Variants in PADI3 observed in about 807,000 individuals in gnomAD.
The protein encoded by PADI3 is protein-arginine deiminase type-3.
A neutral mutation model predicts 71.5 loss-of-function variants in PADI3; 53 were observed. That is an observed-to-expected ratio of 0.74 (90% CI 0.59 to 0.93). PADI3 has a LOEUF of 0.93. PADI3 is among the 40% of genes least tolerant of loss of function. The probability of loss-of-function intolerance (pLI) is 0.00; values close to 1 mark genes in which losing one functional copy is unlikely to be tolerated. For synonymous variants in PADI3, 361 were observed against 347.5 expected, an observed-to-expected ratio of 1.04 and a Z score of -0.43; for missense variants, 821 against 868.0, an observed-to-expected ratio of 0.95 and a Z score of 0.68.
chr1:17,267,738 T>C (rs1028466663), intron 5 of PADI3, 99 bp from the exon 6 acceptor site: 2 of 1,437,798 alleles, frequency 1.4e-6, no homozygotes, highest in African/African-American at 2.8e-5. Context: ...GAGACCCAGG[T>C]CTTGATACCC....
At chr1:17,264,852 G>T (rs2073145640) in intron 3 of PADI3, among the ~76,000 whole-genome samples, 1 of 151,904 alleles carries the variant, frequency 6.6e-6, no homozygotes. Context: ...CTCTATGAAA[G>T]ATACAAAAAT....
At chr1:17,253,642 A>C (rs2072993090) in intron 1 of PADI3, among the ~76,000 whole-genome samples, 1 of 152,184 alleles carries the variant, frequency 6.6e-6, no homozygotes, top group Non-Finnish European at 1.5e-5. Flanking sequence ...AACCTGATTC[A>C]ACTCATCTGT....
chr1:17,268,299 A>G (rs939980092), intron 6 of PADI3, among the ~76,000 whole-genome samples: 12 of 152,326 alleles, frequency 7.9e-5, no homozygotes, highest in African/African-American at 2.6e-4. Flanking sequence ...AGATTAAACA[A>G]TTATCACTGT....
Position 17,280,441 on chromosome 1 carries a change from G to A in PADI3, c.1635+12G>A, listed in dbSNP as rs2073386378. ...ATAAGTTTGTGCAGGTACAAGGGCT[G>A]TGGTGTACCTGTGGGCTGTGATTTG... is the stretch of plus-strand genomic sequence containing the variant. On this transcript the variant is annotated intron_variant, in intron 14 of 15. Coordinates refer to ENST00000375460, the MANE Select transcript of PADI3 (RefSeq NM_016233.2). 2 of 1,605,632 alleles carry A rather than the reference G, an allele frequency of 1.2e-6. No individual in the cohort carries two copies. Among genetic ancestry groups the A allele is most frequent in the African/African-American group, 1.3e-5 (1 of 74,770 alleles).
intron 3 of PADI3, among the ~76,000 whole-genome samples, chr1:17,264,063 G>A (rs2073133783): frequency 6.6e-6 from 1 of 152,176 alleles, no homozygotes; most frequent in South Asian, 2.1e-4. Flanking sequence ...GATAGATATT[G>A]CCAAACTGCT....
In PADI3 at chr1:17,283,294, C is replaced by G. The variant is rs1393581944; in HGVS notation, c.*215C>G. 1.3e-5 allele frequency: 7 copies of G among 550,186 alleles called. No individual in the cohort carries two copies. The allele number at this position is 550,186 out of a possible 1,614,324, so 34.1% of individuals were successfully genotyped here. On this transcript the variant is annotated 3_prime_UTR_variant, in exon 16 of 16. Transcript: ENST00000375460. ...TCAGACTTGAATCTTCTCGGCCCCC[C>G]AAAAAGAAGGACCTCATTTCTTATA...
At chr1:17,277,556 T>C (rs144920194) in intron 13 of PADI3, among the ~76,000 whole-genome samples, 1 of 152,366 alleles carries the variant, frequency 6.6e-6, no homozygotes, top group Non-Finnish European at 1.5e-5. Context: ...CTACGGGGCT[T>C]GGAGCCTCTG....
intron 1 of PADI3, among the ~76,000 whole-genome samples, chr1:17,254,074 G>A (rs1001504676): frequency 5.3e-5 from 8 of 152,174 alleles, no homozygotes; most frequent in Non-Finnish European, 1.0e-4. Flanking sequence ...TTTTAAATAC[G>A]GGGGATTTGG....
At chr1:17,255,597 C>T (rs995207207) in intron 1 of PADI3, among the ~76,000 whole-genome samples, 16 of 152,342 alleles carry the variant, frequency 1.1e-4, no homozygotes, top group Middle Eastern at 3.4e-3. Flanking sequence ...TCCTCCCGTA[C>T]CTGATGCAGG....
At position 17,280,417 on chromosome 1, in the gene PADI3, T is replaced by C; in HGVS notation, c.1623T>C (p.Asn541=). 1.9e-6 allele frequency: 3 copies of C among 1,613,496 alleles called. No homozygotes were observed. Among genetic ancestry groups the C allele is most frequent in the Non-Finnish European group, 2.5e-6 (3 of 1,179,488 alleles). Reference sequence around the variant, plus strand: ...CCAATAAAGACCTCATCAACTACAATAAGTTTGTGCAGGTACAAGGGCTGT... The same window carrying C: ...CCAATAAAGACCTCATCAACTACAACAAGTTTGTGCAGGTACAAGGGCTGT... ...VLSNKDLINY[N]KFVQSCIDWN... is the part of the protein sequence containing the mutation. The change falls in exon 14 of 16, where the codon AAT becomes AAC. Residue 541 remains asparagine, a synonymous_variant. Coordinates refer to ENST00000375460, the MANE Select transcript of PADI3 (RefSeq NM_016233.2).
At chr1:17,277,355 C>T (rs3003437) in intron 13 of PADI3, among the ~76,000 whole-genome samples, 31,706 of 152,006 alleles carry the variant, frequency 0.21, 3,562 homozygotes, top group African/African-American at 0.31. Context: ...CCACCACGCC[C>T]GGCTAATTTT....
chr1:17,260,421 C>T (rs1166917778), intron 2 of PADI3, among the ~76,000 whole-genome samples: 1 of 152,100 alleles, frequency 6.6e-6, no homozygotes, highest in East Asian at 1.9e-4. Flanking sequence ...CACTCCATGT[C>T]AGGAGCGATG....
chr1:17,274,186 C>A (rs1247859763), intron 10 of PADI3, among the ~76,000 whole-genome samples: 1 of 152,004 alleles, frequency 6.6e-6, no homozygotes, highest in Non-Finnish European at 1.5e-5. Context: ...GAGAGATAGC[C>A]CTGGGGAGGT....
chr1:17,259,720 G>T lies in PADI3; in HGVS notation c.235G>T (p.Val79Phe), dbSNP rs758461815. The change falls in exon 2 of 16, where the codon GTC becomes TTC. Residue 79 changes from valine (V) to phenylalanine (F), a missense_variant. Coordinates refer to ENST00000375460, the MANE Select transcript of PADI3 (RefSeq NM_016233.2). ...RFDATLEIIV[V>F]MNSPSNDLND... is the part of the protein sequence containing the mutation. ...TGACGCGACTTTGGAGATCATCGTG[G>T]TCATGAACTCCCCCAGCAATGACCT... The T allele has an allele frequency of 5.0e-6, 8 of 1,612,318 alleles. No homozygotes were observed. Among genetic ancestry groups the T allele is most frequent in the Non-Finnish European group, 1.7e-6 (2 of 1,178,824 alleles).
In PADI3 at chr1:17,262,213, G is replaced by T. The variant is rs1474268493; in HGVS notation, c.346+8G>T. ...TCTACCTCACCTGTGTTGGTAAGTTGGGGGCCATGTTGATGGTGTGGCCAA... is the reference window on the plus strand; with the variant it reads ...TCTACCTCACCTGTGTTGGTAAGTTTGGGGCCATGTTGATGGTGTGGCCAA... On this transcript the variant is annotated splice_region_variant and intron_variant, in intron 3 of 15. Coordinates refer to ENST00000375460, the MANE Select transcript of PADI3 (RefSeq NM_016233.2). 6.2e-7 allele frequency: 1 copy of T among 1,601,674 alleles called. No homozygotes were observed. Among genetic ancestry groups the T allele is most frequent in the East Asian group, 2.3e-5 (1 of 44,388 alleles).
chr1:17,280,015 G>A (rs984333471), intron 13 of PADI3, among the ~76,000 whole-genome samples: 8 of 152,294 alleles, frequency 5.3e-5, no homozygotes, highest in Admixed American at 3.9e-4. Flanking sequence ...CCAGCTCCCC[G>A]CTAAGCCAAA....
intron 6 of PADI3, 102 bp from the exon 7 acceptor site, chr1:17,270,131 C>G: frequency 7.3e-7 from 1 of 1,378,410 alleles, no homozygotes. Context: ...TGTTGGAGGA[C>G]TTGGAATTTT....
In PADI3 at chr1:17,265,790, G is replaced by A. The variant is rs1025919342; in HGVS notation, c.408+70G>A. 60 of 1,390,360 alleles carry A rather than the reference G, an allele frequency of 4.3e-5. No individual in the cohort carries two copies. In the Admixed American group the frequency reaches 6.2e-4, roughly 14 times the overall value. The allele number at this position is 1,390,360 out of a possible 1,614,324, so 86.1% of individuals were successfully genotyped here. The stretch of plus-strand genomic sequence containing the variant: ...GCTTGCTCTAGGTTGGGTTAAGAAG[G>A]ATGAGGCCATTACAGATATCCCCCT... On this transcript the variant is annotated intron_variant, in intron 4 of 15. Transcript: ENST00000375460.
At position 17,271,142 on chromosome 1, in the gene PADI3, C is replaced by T. The variant is rs541935186; in HGVS notation, c.1011C>T (p.Cys337=). The T allele has an allele frequency of 1.9e-6, 3 of 1,613,686 alleles. No individual in the cohort carries two copies. In the Admixed American group the frequency reaches 5.0e-5, roughly 27 times the overall value. The stretch of plus-strand genomic sequence containing the variant: ...AGGCCGGCTGCAAGCTGACCATCTG[C>T]CCACAGGCCGAGAACCGCAACGACC... ...ARKAGCKLTI[C]PQAENRNDRW... Residue 337 remains cysteine (C), a synonymous_variant, in exon 9 of 16, where the codon TGC becomes TGT. Coordinates refer to ENST00000375460, the MANE Select transcript of PADI3 (RefSeq NM_016233.2).
Sources: gnomAD v4.1 joint callset for allele counts (sites outside exome capture counted in the v4.1 genomes callset) on GRCh38, gnomAD v4.1.1 for gene constraint, MANE v1.5 for transcripts, NCBI Gene and HGNC (gene_info 2026-07-23, HGNC 2026-07-21) for gene names.